Variants in FRYL observed in about 807,000 individuals in gnomAD.
The protein encoded by FRYL is FRY like transcription coactivator.
FRYL carries 150 observed loss-of-function variants against 351.2 expected under a neutral mutation model. The ratio of observed to expected loss-of-function variants is 0.43; its 90% CI spans 0.37 to 0.49. FRYL has a LOEUF of 0.49. Among genes scored for constraint, FRYL ranks in the 20% least tolerant of loss-of-function variants. FRYL has a pLI of 0.00. For missense variants in FRYL, 3,036 were observed against 3,619.3 expected, an observed-to-expected ratio of 0.84 and a Z score of 4.13; for synonymous variants, 1,153 against 1,257.1, an observed-to-expected ratio of 0.92 and a Z score of 1.75.
chr4:48,534,524 G>T, intron 49 of FRYL, 21 bp downstream of exon 49: 2 of 1,574,872 alleles, frequency 1.3e-6, no homozygotes, highest in African/African-American at 1.4e-5. Context: ...AATGTTATAT[G>T]TAAGTTTTGT....
intron 19 of FRYL, among the ~76,000 whole-genome samples, 186 bp from the exon 20 acceptor site, chr4:48,582,920 C>T (rs1267575353): frequency 1.3e-5 from 2 of 152,140 alleles, no homozygotes; most frequent in Non-Finnish European, 2.9e-5. Context: ...CTCTCATTTG[C>T]TTAAATTCAC....
At position 48,701,026 on chromosome 4, in the gene FRYL, C is replaced by T. The variant is rs560048657; in HGVS notation, c.-204+9493G>A. Among the ~76,000 whole-genome samples, 14 of 152,186 alleles carry T rather than the reference C, an allele frequency of 9.2e-5. No homozygotes were observed. In the East Asian group the frequency reaches 2.3e-3, roughly 25 times the overall value. ...CTCATTTAAAAATTCCATTAAGATA[C>T]TTCTACCTTAAAATAATACAACCAA... On this transcript the variant is annotated intron_variant, in intron 2 of 63. Transcript: ENST00000358350.
chr4:48,562,808 T>C (rs1257767917), intron 32 of FRYL, 81 bp downstream of exon 32: 3 of 783,100 alleles, frequency 3.8e-6, no homozygotes, highest in Non-Finnish European at 6.6e-6. Context: ...CTATTATCAG[T>C]ATGCTTTAAT....
In FRYL at chr4:48,534,574, T is replaced by G. The variant is rs749020727; in HGVS notation, c.6676A>C (p.Ile2226Leu). ...ACATATTTGCCAATAATCTTTATGA[T>G]CTCCAGATTAAACTGCTTGGCTGGG... ...AAPAKQFNLE[I>L]IKIIGKYVQS... The change falls in exon 49 of 64, where the codon ATC becomes CTC. Residue 2226 changes from isoleucine to leucine, a missense_variant. Ile to Leu is a conservative substitution (Grantham distance 5, BLOSUM62 2). This residue lies in a region of FRYL where 1,987 missense variants were observed against 2,311.7 expected (regional missense o/e 0.86). Coordinates refer to ENST00000358350, the MANE Select transcript of FRYL (RefSeq NM_015030.2). The G allele has an allele frequency of 1.1e-5, 17 of 1,612,620 alleles. No homozygotes were observed. Among genetic ancestry groups the G allele is most frequent in the Non-Finnish European group, 1.4e-5 (16 of 1,179,184 alleles).
chr4:48,651,289 CTGTGTGTGTGTG>C (rs59845967), intron 3 of FRYL, among the ~76,000 whole-genome samples: 4,357 of 62,372 alleles, frequency 0.07, 321 homozygotes, highest in Middle Eastern at 0.11. Flanking sequence ...CAGGATCTCA[CTGTGTGTGTGTG>C]TGTGTGTGTG....
Position 48,595,823 on chromosome 4 carries a change from C to A in FRYL, c.1139+74G>T, listed in dbSNP as rs879482687. The A allele has an allele frequency of 3.7e-5, 42 of 1,148,378 alleles. No homozygotes were observed. The Admixed American group carries it at 1.0e-3, about 28-fold the overall frequency. The allele number at this position is 1,148,378 out of a possible 1,614,324, so 71.1% of individuals were successfully genotyped here. A position where few individuals can be genotyped will look rare whatever the true frequency, so the allele number is the denominator to read the frequency against. On this transcript the variant is annotated intron_variant, in intron 14 of 63. Coordinates refer to ENST00000358350, the MANE Select transcript of FRYL (RefSeq NM_015030.2). ...TTCCACCCACAAAGTATAATGTTTA[C>A]TAAAATTCCCAATAGTGTGTTTTTT...
chr4:48,754,231 T>C (rs1365520128), intron 1 of FRYL, among the ~76,000 whole-genome samples: 1 of 152,230 alleles, frequency 6.6e-6, no homozygotes, highest in African/African-American at 2.4e-5. Flanking sequence ...TCTCTATGGA[T>C]TTACCTGTTG....
chr4:48,630,579 A>G (rs1752771506), intron 4 of FRYL, among the ~76,000 whole-genome samples: 2 of 152,260 alleles, frequency 1.3e-5, no homozygotes, highest in South Asian at 4.1e-4. Context: ...CCTTTTAGGA[A>G]AAAAGGACCT....
At chr4:48,750,138 A>G (rs1773093281) in intron 1 of FRYL, among the ~76,000 whole-genome samples, 1 of 149,650 alleles carries the variant, frequency 6.7e-6, no homozygotes, top group African/African-American at 2.4e-5. Flanking sequence ...CATCTATTAA[A>G]AAAAAAAAAA....
At chr4:48,581,377 A>G in intron 21 of FRYL, 43 bp downstream of exon 21, 1 of 1,524,626 alleles carries the variant, frequency 6.6e-7, no homozygotes, top group South Asian at 1.2e-5. Context: ...GATGGTTTTT[A>G]AGTACTTTCA....
chr4:48,503,406 G>C (rs1720167684), intron 60 of FRYL, among the ~76,000 whole-genome samples: 1 of 152,114 alleles, frequency 6.6e-6, no homozygotes, highest in East Asian at 1.9e-4. Context: ...TGAGCCACAG[G>C]GTGGAATATC....
At chr4:48,517,431 A>G (rs961786552) in intron 55 of FRYL, among the ~76,000 whole-genome samples, 1 of 152,364 alleles carries the variant, frequency 6.6e-6, no homozygotes, top group East Asian at 1.9e-4. Flanking sequence ...TAATGCCTAC[A>G]TATCACGAAG....
At position 48,672,152 on chromosome 4, in the gene FRYL, C is replaced by A. The variant is rs142368328; in HGVS notation, c.-81+12521G>T. Among the ~76,000 whole-genome samples the A allele has an allele frequency of 1.8e-4, 27 of 152,244 alleles. No individual in the cohort carries two copies. The East Asian group carries it at 5.2e-3, about 29-fold the overall frequency. On this transcript the variant is annotated intron_variant, in intron 3 of 63. Coordinates refer to ENST00000358350, the MANE Select transcript of FRYL (RefSeq NM_015030.2). ...AATTTTGTTGACAATTTTTTATAAT[C>A]TTGAAAACAATGCTAGAAAGAAGAT... is the stretch of plus-strand genomic sequence containing the variant.
chr4:48,501,680 C>T lies in FRYL; in HGVS notation c.8535G>A (p.Leu2845=). 6.2e-7 allele frequency: 1 copy of T among 1,611,234 alleles called. No homozygotes were observed. The highest frequency in any genetic ancestry group is 8.5e-7 in the Non-Finnish European group (1 of 1,177,918). The change falls in exon 62 of 64, where the codon CTG becomes CTA. Residue 2845 remains leucine, a synonymous_variant. Transcript: ENST00000358350. ...TGATAAGTTTACAGTAGGCCTGGAACAGAAGCAGCAATTGAAAATGCAATT... is the reference window on the plus strand; with the variant it reads ...TGATAAGTTTACAGTAGGCCTGGAATAGAAGCAGCAATTGAAAATGCAATT... ...LYKLHFQLLL[L]FQAYCKLINQ...
At chr4:48,694,645 ATATAT>A (rs1345372086) in intron 2 of FRYL, among the ~76,000 whole-genome samples, 1 of 152,190 alleles carries the variant, frequency 6.6e-6, no homozygotes, top group African/African-American at 2.4e-5. Context: ...ATATAATATG[ATATAT>A]TGGAAATAAT....
intron 19 of FRYL, among the ~76,000 whole-genome samples, chr4:48,584,200 T>C (rs1264484711): frequency 6.6e-6 from 1 of 152,204 alleles, no homozygotes; most frequent in South Asian, 2.1e-4. Flanking sequence ...AGTAATTGAC[T>C]ACAAAGACAA....
At position 48,547,771 on chromosome 4, in the gene FRYL, TA is replaced by T; in HGVS notation, c.4889-3del. 4.1e-6 allele frequency: 6 copies of T among 1,462,182 alleles called. No homozygotes were observed. Among genetic ancestry groups the T allele is most frequent in the South Asian group, 3.1e-5 (2 of 64,138 alleles). The allele number at this position is 1,462,182 out of a possible 1,614,324, so 90.6% of individuals were successfully genotyped here. A position where few individuals can be genotyped will look rare whatever the true frequency, so the allele number is the denominator to read the frequency against. ...CCTCAGGGTGGCAGTGGTCAAACCC[TA>T]AAAAGGATAGTAGAGAAACATTATC... On this transcript the variant is annotated splice_polypyrimidine_tract_variant and splice_region_variant and intron_variant, in intron 40 of 63. Coordinates refer to ENST00000358350, the MANE Select transcript of FRYL (RefSeq NM_015030.2).
intron 58 of FRYL, 141 bp from the exon 59 acceptor site, chr4:48,510,298 AGAGCT>A: frequency 7.5e-6 from 5 of 663,364 alleles, no homozygotes; most frequent in Admixed American, 2.3e-5. Context: ...TCCCATACTT[AGAGCT>A]GAGCTCTCAC....
rs1553942015 is a variant in FRYL, at chr4:48,592,101, T to TATAC, written c.1336-1272_1336-1271insGTAT. On this transcript the variant is annotated intron_variant, in intron 16 of 63. Coordinates refer to ENST00000358350, the MANE Select transcript of FRYL (RefSeq NM_015030.2). Reference sequence around the variant, plus strand: ...AAGCTCTTATATATATATATATATATATATATATATATATTTTATCTAAGT... The same window carrying TATAC: ...AAGCTCTTATATATATATATATATATATACATATATATATATATTTTATCTAAGT... 4.4e-5 allele frequency among the ~76,000 whole-genome samples: 2 copies of TATAC among 45,044 alleles called. 1 individual carries two copies. The highest frequency in any genetic ancestry group is 1.2e-4 in the Non-Finnish European group (2 of 16,444). 29.6% of individuals were successfully genotyped at this position (45,044 alleles called of 152,430 possible).
Sources: gnomAD v4.1 joint callset for allele counts (sites outside exome capture counted in the v4.1 genomes callset) on GRCh38, gnomAD v4.1.1 for gene constraint, gnomAD v4.1.1 regional missense constraint, MANE v1.5 for transcripts, NCBI Gene and HGNC (gene_info 2026-07-23, HGNC 2026-07-21) for gene names.